The following RGS6 variants were observed in gnomAD, a reference collection of about 807,000 sequenced individuals.
RGS6 encodes regulator of G protein signaling 6.
Under a neutral mutation model 78.5 loss-of-function variants are expected in RGS6, and 30 were observed. The ratio of observed to expected loss-of-function variants is 0.38; its 90% CI spans 0.29 to 0.52. RGS6 has a LOEUF of 0.52. RGS6 is among the 20% of genes least tolerant of loss of function. The probability of loss-of-function intolerance (pLI) is 0.85; values close to 1 mark genes in which losing one functional copy is unlikely to be tolerated. For synonymous variants in RGS6, 206 were observed against 206.0 expected (o/e 1.00, Z 0.00); for missense variants, 495 against 609.7 (o/e 0.81, Z 1.98).
intron 2 of RGS6, among the ~76,000 whole-genome samples, chr14:71,976,622 T>C (rs1472114104): frequency 2.6e-5 from 4 of 152,218 alleles, no homozygotes; most frequent in African/African-American, 7.2e-5. Context: ...TAGTAGTCCA[T>C]GGTGTATATG....
chr14:72,540,939 A>G, intron 17 of RGS6: 1 of 985,404 alleles, frequency 1.0e-6, no homozygotes, highest in South Asian at 4.7e-5. Flanking sequence ...CCTGGGGTGC[A>G]TGGCTGAGAC....
chr14:71,889,136 A>T, the RGS6 span, among the ~76,000 whole-genome samples: 1 of 152,150 alleles, frequency 6.6e-6, no homozygotes, highest in South Asian at 2.1e-4. Flanking sequence ...GGCGGGCAGG[A>T]TCTCTGTGGT....
At chr14:72,287,136 A>G (rs2062713777) in intron 2 of RGS6, among the ~76,000 whole-genome samples, 1 of 152,238 alleles carries the variant, frequency 6.6e-6, no homozygotes, top group Non-Finnish European at 1.5e-5. Flanking sequence ...GTACAGGGAA[A>G]TGCAACTAAT....
At chr14:72,197,434 G>A (rs899296509) in intron 2 of RGS6, among the ~76,000 whole-genome samples, 2 of 152,066 alleles carry the variant, frequency 1.3e-5, no homozygotes, top group Non-Finnish European at 2.9e-5. Flanking sequence ...ATAAATGTCT[G>A]CCTCAAACAG....
chr14:71,953,214 C>T (rs2085918721), intron 1 of RGS6, among the ~76,000 whole-genome samples: 1 of 152,134 alleles, frequency 6.6e-6, no homozygotes, highest in African/African-American at 2.4e-5. Context: ...ACTTGACCTT[C>T]CCAGGTCTTA....
the RGS6 span, among the ~76,000 whole-genome samples, chr14:72,598,511 C>T: frequency 6.6e-6 from 1 of 152,370 alleles, no homozygotes; most frequent in South Asian, 2.1e-4. Context: ...AGGCCTTCCA[C>T]AGCTGTCCAG....
At chr14:72,480,005 G>A (rs530980380) in intron 12 of RGS6, among the ~76,000 whole-genome samples, 34 of 152,286 alleles carry the variant, frequency 2.2e-4, no homozygotes, top group African/African-American at 7.9e-4. Context: ...TGTTTCTTTG[G>A]ATCTATTTGC....
rs529826690 is a variant in RGS6 at position 72,539,631 on chromosome 14, G to A, written c.1369-410G>A. 7.2e-5 allele frequency among the ~76,000 whole-genome samples: 11 copies of A among 152,232 alleles called. No individual in the cohort carries two copies. The South Asian group carries it at 1.9e-3, about 26-fold the overall frequency. On this transcript the variant is annotated intron_variant, in intron 16 of 17. Transcript: ENST00000553525. ...GTCTGTTCTGTGTCAGGACTTGGGGGGCCCCCAGGGCCCCAGGGCCACAAC... is the reference window on the plus strand; with the variant it reads ...GTCTGTTCTGTGTCAGGACTTGGGGAGCCCCCAGGGCCCCAGGGCCACAAC...
chr14:72,434,935 A>G (rs917536628), intron 3 of RGS6, among the ~76,000 whole-genome samples: 3 of 152,248 alleles, frequency 2.0e-5, no homozygotes, highest in Non-Finnish European at 4.4e-5. Flanking sequence ...GATTCTTAGT[A>G]GCTTTGCTCA....
At chr14:71,953,289 G>A (rs1323297578) in intron 1 of RGS6, among the ~76,000 whole-genome samples, 1 of 152,148 alleles carries the variant, frequency 6.6e-6, no homozygotes, top group Non-Finnish European at 1.5e-5. Flanking sequence ...GTAATGTAAA[G>A]GGCTAAATAG....
At chr14:72,508,615 A>G (rs561109169) in intron 13 of RGS6, among the ~76,000 whole-genome samples, 24 of 110,814 alleles carry the variant, frequency 2.2e-4, no homozygotes, top group African/African-American at 7.8e-4. Flanking sequence ...TTTTCCAAGT[A>G]TTGAGAATAT....
intron 2 of RGS6, among the ~76,000 whole-genome samples, chr14:72,307,365 C>G (rs1030116040): frequency 6.6e-6 from 1 of 151,772 alleles, no homozygotes; most frequent in Non-Finnish European, 1.5e-5. Context: ...CTGAGGTATG[C>G]CTATAGTTGC....
intron 2 of RGS6, among the ~76,000 whole-genome samples, chr14:72,120,546 A>G (rs1423585506): frequency 6.6e-6 from 1 of 152,244 alleles, no homozygotes; most frequent in East Asian, 1.9e-4. Context: ...CCTTATTCAT[A>G]ATAACTGAAA....
chr14:71,974,539 ATAGT>A (rs1238407738), intron 2 of RGS6, among the ~76,000 whole-genome samples: 4 of 152,330 alleles, frequency 2.6e-5, no homozygotes, highest in South Asian at 4.1e-4. Context: ...GAATGATCTC[ATAGT>A]TAGTTTACTG....
intron 17 of RGS6, among the ~76,000 whole-genome samples, chr14:72,556,089 A>AGAT (rs1238400526): frequency 6.7e-6 from 1 of 150,192 alleles, no homozygotes; most frequent in African/African-American, 2.5e-5. Context: ...CTTCTTTTGT[A>AGAT]GATTCAAAAA....
At chr14:72,504,744 C>CTCCTTTCCTTTCCTT (rs147085020) in intron 13 of RGS6, among the ~76,000 whole-genome samples, 1 of 148,394 alleles carries the variant, frequency 6.7e-6, no homozygotes, top group Non-Finnish European at 1.5e-5. Context: ...CCCCTTCCCT[C>CTCCTTTCCTTTCCTT]TCCTTTCCTT....
chr14:72,231,947 T>C (rs1347742329), intron 2 of RGS6, among the ~76,000 whole-genome samples: 1 of 151,968 alleles, frequency 6.6e-6, no homozygotes, highest in Non-Finnish European at 1.5e-5. Flanking sequence ...GGCAAGACAG[T>C]GGAGAGTTTT....
Position 72,313,292 on chromosome 14 carries a change from G to A in RGS6, c.85-38803G>A, listed in dbSNP as rs1313894618. Among the ~76,000 whole-genome samples the A allele has an allele frequency of 2.0e-5, 3 of 152,190 alleles. No homozygotes were observed. In the East Asian group the frequency reaches 5.8e-4, roughly 29 times the overall value. On this transcript the variant is annotated intron_variant, in intron 2 of 17. Transcript: ENST00000553525. ...CAAGCATATTAAGCACTTCAAGATGGCAACAGCAGAGCATGAAACCAAGGT... is the reference window on the plus strand; with the variant it reads ...CAAGCATATTAAGCACTTCAAGATGACAACAGCAGAGCATGAAACCAAGGT...
At chr14:72,613,258 C>A in the RGS6 span, among the ~76,000 whole-genome samples, 1 of 152,204 alleles carries the variant, frequency 6.6e-6, no homozygotes, top group Non-Finnish European at 1.5e-5. Context: ...GCCCACTTAC[C>A]TGCCCTCCCG....
Sources: gnomAD v4.1 joint callset for allele counts (sites outside exome capture counted in the v4.1 genomes callset) on GRCh38, gnomAD v4.1.1 for gene constraint, MANE v1.5 for transcripts, NCBI Gene and HGNC (gene_info 2026-07-23, HGNC 2026-07-21) for gene names.